PLXNC1: variants seen among roughly 807,000 people sequenced by gnomAD.
PLXNC1 encodes the protein plexin-C1.
A neutral mutation model predicts 178.2 loss-of-function variants in PLXNC1; 75 were observed. The observed-to-expected ratio is 0.42, with a 90% CI of 0.35 to 0.51. The LOEUF (loss-of-function observed/expected upper bound fraction) is 0.51. Ranked by LOEUF, PLXNC1 falls within the 20% of genes least tolerant of loss-of-function variation. The pLI is 0.02. For missense variants in PLXNC1, 1,503 were observed against 1,984.4 expected (o/e 0.76, Z 4.61); for synonymous variants, 790 against 779.9 (o/e 1.01, Z -0.22).
At chr12:94,277,830 G>C (rs1407048650) in intron 21 of PLXNC1, 1 of 412,600 alleles carries the variant, frequency 2.4e-6, no homozygotes, top group Admixed American at 2.6e-5. Flanking sequence ...CTAAGCCCTT[G>C]AATGCATGAT....
intron 21 of PLXNC1, among the ~76,000 whole-genome samples, chr12:94,267,671 G>A (rs958040794): frequency 2.0e-5 from 3 of 152,146 alleles, no homozygotes; most frequent in African/African-American, 7.2e-5. Flanking sequence ...CCCTTTCATG[G>A]TTGGCAGTTG....
intron 7 of PLXNC1, among the ~76,000 whole-genome samples, chr12:94,225,960 C>T (rs1963926017): frequency 6.6e-6 from 1 of 152,196 alleles, no homozygotes; most frequent in South Asian, 2.1e-4. Context: ...GCTAGCACCC[C>T]TTGCTAGAGC....
intron 11 of PLXNC1, among the ~76,000 whole-genome samples, chr12:94,243,519 T>C (rs1964448174): frequency 6.6e-6 from 1 of 152,214 alleles, no homozygotes; most frequent in East Asian, 1.9e-4. Context: ...CATTGGTAGG[T>C]TAGGAGTTTG....
At chr12:94,276,096 T>G (rs912264037) in intron 21 of PLXNC1, among the ~76,000 whole-genome samples, 2 of 152,206 alleles carry the variant, frequency 1.3e-5, no homozygotes, top group African/African-American at 2.4e-5. Flanking sequence ...AAAAGAACAT[T>G]TATTGCCCAT....
At chr12:94,281,969 A>G (rs1446278260) in intron 22 of PLXNC1, 5 of 280,150 alleles carry the variant, frequency 1.8e-5, no homozygotes, top group Non-Finnish European at 3.5e-5. Flanking sequence ...CTTTGTGAAC[A>G]TGGGCACACA....
intron 1 of PLXNC1, chr12:94,151,001 A>C (rs373453907): frequency 5.9e-5 from 9 of 152,188 alleles, no homozygotes; most frequent in African/African-American, 2.2e-4. Context: ...GCCATTGTGC[A>C]CTTCTCCGGA....
intron 21 of PLXNC1, among the ~76,000 whole-genome samples, chr12:94,276,072 T>C (rs1394064427): frequency 1.3e-5 from 2 of 152,210 alleles, no homozygotes; most frequent in Non-Finnish European, 2.9e-5. Context: ...TTTTTTCTTT[T>C]GGTTATGTTT....
intron 3 of PLXNC1, among the ~76,000 whole-genome samples, chr12:94,185,445 G>A (rs903677735): frequency 1.3e-5 from 2 of 152,154 alleles, no homozygotes; most frequent in Non-Finnish European, 2.9e-5. Flanking sequence ...CTGCTGTGTG[G>A]TTTTGCCTGC....
intron 30 of PLXNC1, 62 bp downstream of exon 30, chr12:94,304,113 A>AT (rs1776076788): frequency 9.4e-7 from 1 of 1,069,448 alleles, no homozygotes; most frequent in Non-Finnish European, 1.4e-6. Context: ...TGGTTATAGC[A>AT]TTCTGTCAGT....
At chr12:94,297,868 C>T (rs1968085207) in intron 26 of PLXNC1, among the ~76,000 whole-genome samples, 3 of 152,184 alleles carry the variant, frequency 2.0e-5, no homozygotes, top group African/African-American at 7.2e-5. Context: ...AAGAATTCTG[C>T]TCACACATAA....
At chr12:94,205,971 A>G (rs1172115936) in intron 4 of PLXNC1, among the ~76,000 whole-genome samples, 1 of 152,228 alleles carries the variant, frequency 6.6e-6, no homozygotes, top group Non-Finnish European at 1.5e-5. Context: ...TGGCCTTGAT[A>G]TGTTACTGTA....
chr12:94,150,208 C>T lies in PLXNC1; in HGVS notation c.1062+175C>T, dbSNP rs997761114. ...TCCGAAGGCTCCTCTCGGACGGTCC[C>T]CGAGACCTGGAGCACGGCCTGAGGT... On this transcript the variant is annotated intron_variant, in intron 1 of 30. Coordinates refer to ENST00000258526, the MANE Select transcript of PLXNC1 (RefSeq NM_005761.3). Among the ~76,000 whole-genome samples the T allele has an allele frequency of 3.3e-5, 5 of 152,276 alleles. No individual in the cohort carries two copies. The East Asian group carries it at 9.7e-4, about 29-fold the overall frequency.
chr12:94,243,300 G>A (rs914263183), intron 11 of PLXNC1, among the ~76,000 whole-genome samples: 4 of 152,248 alleles, frequency 2.6e-5, no homozygotes, highest in Admixed American at 2.0e-4. Flanking sequence ...GGGGTGCAAG[G>A]GCAGACAGAG....
intron 27 of PLXNC1, among the ~76,000 whole-genome samples, chr12:94,300,685 T>A (rs1424353912): frequency 1.3e-5 from 2 of 152,202 alleles, no homozygotes; most frequent in Non-Finnish European, 2.9e-5. Context: ...CCATGGCCAC[T>A]TTCAAACTTA....
intron 28 of PLXNC1, among the ~76,000 whole-genome samples, chr12:94,301,978 C>T (rs1968510242): frequency 6.6e-6 from 1 of 152,158 alleles, no homozygotes; most frequent in Non-Finnish European, 1.5e-5. Flanking sequence ...TTAGCCTTAT[C>T]CCTTCATCCC....
chr12:94,240,199 G>C (rs1964350955), intron 10 of PLXNC1, among the ~76,000 whole-genome samples: 1 of 152,156 alleles, frequency 6.6e-6, no homozygotes, highest in Admixed American at 6.5e-5. Flanking sequence ...TTCATGTTCT[G>C]CTTTCTATTA....
intron 21 of PLXNC1, among the ~76,000 whole-genome samples, chr12:94,279,217 A>G (rs1348655534): frequency 1.3e-5 from 2 of 152,144 alleles, no homozygotes; most frequent in Non-Finnish European, 2.9e-5. Context: ...TTATGTGTAT[A>G]TGTATATTTT....
At chr12:94,220,986 C>A (rs1963780747) in intron 6 of PLXNC1, among the ~76,000 whole-genome samples, 1 of 152,166 alleles carries the variant, frequency 6.6e-6, no homozygotes, top group African/African-American at 2.4e-5. Flanking sequence ...AAGATAGATA[C>A]CAAAGGAGGC....
chr12:94,266,972 C>T (rs183774558), intron 21 of PLXNC1, among the ~76,000 whole-genome samples: 1 of 152,324 alleles, frequency 6.6e-6, no homozygotes, highest in Non-Finnish European at 1.5e-5. Flanking sequence ...TTTTGTAAAC[C>T]TTCCAGATAT....
Sources: gnomAD v4.1 joint callset for allele counts (sites outside exome capture counted in the v4.1 genomes callset) on GRCh38, gnomAD v4.1.1 for gene constraint, MANE v1.5 for transcripts, NCBI Gene and HGNC (gene_info 2026-07-23, HGNC 2026-07-21) for gene names.